Variants in PCDHA7 observed in about 807,000 individuals in gnomAD.
PCDHA7 encodes the protein protocadherin alpha 7.
A neutral mutation model predicts 57.2 loss-of-function variants in PCDHA7; 37 were observed. The observed-to-expected ratio is 0.65, with a 90% CI of 0.50 to 0.85. The LOEUF is 0.85. Ranked by LOEUF, PCDHA7 falls within the 40% of genes least tolerant of loss-of-function variation. The pLI is 0.00. For missense variants in PCDHA7, 1,188 were observed against 1,241.8 expected, an observed-to-expected ratio of 0.96 and a Z score of 0.65; for synonymous variants, 553 against 558.8, an observed-to-expected ratio of 0.99 and a Z score of 0.15.
At chr5:140,979,843 A>G (rs1373380351) in intron 2 of PCDHA7, among the ~76,000 whole-genome samples, 1 of 152,246 alleles carries the variant, frequency 6.6e-6, no homozygotes, top group African/African-American at 2.4e-5. Context: ...TAATCTTCAA[A>G]CTTAAGCCCC....
chr5:140,883,594 G>C (rs1562791129), intron 1 of PCDHA7: 5 of 1,614,032 alleles, frequency 3.1e-6, no homozygotes, highest in South Asian at 1.1e-5. Context: ...CCAGCGTGTC[G>C]GTGGGGGTGG....
At chr5:140,948,856 ATATTACTTCGGGTTTACTTT>A (rs1364138889) in intron 1 of PCDHA7, among the ~76,000 whole-genome samples, 11 of 151,588 alleles carry the variant, frequency 7.3e-5, no homozygotes, top group African/African-American at 2.7e-4. Context: ...TTGCCTTCTT[ATATTACTTCGGGTTTACTTT>A]GCTCTCTTTT....
chr5:140,994,377 G>C (rs1260163825), intron 3 of PCDHA7, among the ~76,000 whole-genome samples: 3 of 152,098 alleles, frequency 2.0e-5, no homozygotes, highest in Non-Finnish European at 4.4e-5. Context: ...GGAAATTCAG[G>C]GGACTAAGTC....
At chr5:140,984,177 A>G (rs1337365733) in intron 3 of PCDHA7, among the ~76,000 whole-genome samples, 3 of 152,190 alleles carry the variant, frequency 2.0e-5, no homozygotes, top group Non-Finnish European at 4.4e-5. Context: ...AAGCCACGTG[A>G]AATCATGACT....
intron 1 of PCDHA7, chr5:140,968,608 T>C: frequency 6.2e-7 from 1 of 1,614,242 alleles, no homozygotes; most frequent in South Asian, 1.1e-5. Context: ...ACTCAGACTC[T>C]GGGCAAAATG....
intron 1 of PCDHA7, chr5:140,851,314 C>G (rs1276562311): frequency 1.0e-6 from 1 of 997,874 alleles, no homozygotes; most frequent in Non-Finnish European, 1.2e-6. Context: ...CAATTGTTAC[C>G]TTGTTAAGTT....
At chr5:140,869,418 C>G in intron 1 of PCDHA7, 1 of 1,614,174 alleles carries the variant, frequency 6.2e-7, no homozygotes, top group Non-Finnish European at 8.5e-7. Flanking sequence ...GCAGCATCCA[C>G]CTGGAGGTGA....
intron 1 of PCDHA7, among the ~76,000 whole-genome samples, chr5:140,885,790 G>T (rs141648269): frequency 0.012 from 1,822 of 152,058 alleles, 11 homozygotes; most frequent in Non-Finnish European, 0.018. Context: ...TGAGCATATT[G>T]TCATATGTAT....
At chr5:140,843,096 C>G (rs2150352451) in intron 1 of PCDHA7, 2 of 1,595,598 alleles carry the variant, frequency 1.3e-6, no homozygotes, top group Non-Finnish European at 8.6e-7. Flanking sequence ...CACGTGGTAG[C>G]GAAGGTGCGC....
intron 3 of PCDHA7, among the ~76,000 whole-genome samples, chr5:140,985,001 G>A (rs1554246727): frequency 1.3e-5 from 2 of 151,944 alleles, no homozygotes; most frequent in South Asian, 2.1e-4. Flanking sequence ...CCAGTGGCAC[G>A]ATATCGGCTC....
At position 140,971,106 on chromosome 5, in the gene PCDHA7, G is replaced by T. The variant is rs529915701; in HGVS notation, c.2356-7843G>T. Among the ~76,000 whole-genome samples, 46 of 152,304 alleles carry T rather than the reference G, an allele frequency of 3.0e-4. No homozygotes were observed. In the South Asian group the frequency reaches 4.1e-3, roughly 14 times the overall value. ...AACAAATTCTTGTGAAGCCCTTTGG[G>T]ATTGGGGTGGGCTACAGGTGGTGAA... is the stretch of plus-strand genomic sequence containing the variant. On this transcript the variant is annotated intron_variant, in intron 1 of 3. Transcript: ENST00000525929.
chr5:140,856,813 G>T (rs150906180), intron 1 of PCDHA7: 1 of 1,594,284 alleles, frequency 6.3e-7, no homozygotes, highest in East Asian at 2.2e-5. Context: ...AAAATCAAGT[G>T]AACCAAACAT....
chr5:140,861,533 C>T (rs890249596), intron 1 of PCDHA7: 6 of 446,700 alleles, frequency 1.3e-5, no homozygotes, highest in South Asian at 7.2e-5. Context: ...TCTCGGAGTG[C>T]AGCATCCACC....
chr5:140,928,125 C>T, intron 1 of PCDHA7: 2 of 1,614,154 alleles, frequency 1.2e-6, no homozygotes, highest in Non-Finnish European at 1.7e-6. Context: ...TCAGTGAATA[C>T]CAAGTCCTGA....
At chr5:140,881,025 C>A (rs1554171683) in intron 1 of PCDHA7, among the ~76,000 whole-genome samples, 1 of 152,216 alleles carries the variant, frequency 6.6e-6, no homozygotes, top group Admixed American at 6.5e-5. Context: ...ATAAACCCAA[C>A]AGTCATTTCC....
chr5:140,841,443 A>C (rs2150315650), intron 1 of PCDHA7: 1 of 1,612,892 alleles, frequency 6.2e-7, no homozygotes, highest in Admixed American at 1.7e-5. Context: ...GAGGCCAAAC[A>C]CGGCACCTTC....
chr5:140,981,744 G>C (rs1586900543), intron 2 of PCDHA7, among the ~76,000 whole-genome samples: 1 of 151,900 alleles, frequency 6.6e-6, no homozygotes, highest in Admixed American at 6.6e-5. Context: ...ATTAATATGA[G>C]TTAGTATTAG....
At chr5:140,971,695 A>G (rs563817946) in intron 1 of PCDHA7, among the ~76,000 whole-genome samples, 26 of 152,062 alleles carry the variant, frequency 1.7e-4, no homozygotes, top group Admixed American at 5.2e-4. Flanking sequence ...GTACTCACTA[A>G]CCACCCTGCT....
intron 1 of PCDHA7, chr5:140,842,622 C>T (rs2150340886): frequency 1.3e-6 from 2 of 1,579,180 alleles, no homozygotes; most frequent in East Asian, 2.2e-5. Flanking sequence ...GGCTCGCCTT[C>T]GCTGTGGGCC....
Sources: gnomAD v4.1 joint callset for allele counts (sites outside exome capture counted in the v4.1 genomes callset) on GRCh38, gnomAD v4.1.1 for gene constraint, MANE v1.5 for transcripts, NCBI Gene and HGNC (gene_info 2026-07-23, HGNC 2026-07-21) for gene names.